Variants in FAM135B observed in about 807,000 individuals in gnomAD.
FAM135B encodes the protein protein FAM135B.
A neutral mutation model predicts 127.7 loss-of-function variants in FAM135B; 43 were observed. The observed-to-expected ratio is 0.34, with a 90% CI of 0.26 to 0.43. FAM135B has a LOEUF of 0.43. Among genes scored for constraint, FAM135B ranks in the 20% least tolerant of loss-of-function variants. The pLI is 1.00. For synonymous variants in FAM135B, 670 were observed against 665.1 expected (o/e 1.01, Z -0.11); for missense variants, 1,558 against 1,725.6 (o/e 0.90, Z 1.72).
chr8:138,389,104 A>G (rs1044786499), intron 1 of FAM135B, among the ~76,000 whole-genome samples: 1 of 152,220 alleles, frequency 6.6e-6, no homozygotes, highest in Non-Finnish European at 1.5e-5. Flanking sequence ...ACACAATGAG[A>G]TATCACTTCA....
At chr8:138,329,031 G>A (rs1033320766) in intron 2 of FAM135B, among the ~76,000 whole-genome samples, 6 of 152,168 alleles carry the variant, frequency 3.9e-5, no homozygotes, top group African/African-American at 1.2e-4. Flanking sequence ...TACAAGTAAC[G>A]GTTTATGCAT....
chr8:138,362,274 C>T (rs1323748130), intron 2 of FAM135B, among the ~76,000 whole-genome samples: 1 of 128,940 alleles, frequency 7.8e-6, no homozygotes, highest in East Asian at 2.8e-4. Context: ...CCATCCCCCA[C>T]CCCCATATCT....
intron 9 of FAM135B, among the ~76,000 whole-genome samples, chr8:138,193,135 C>T (rs1327782671): frequency 6.6e-6 from 1 of 152,200 alleles, no homozygotes; most frequent in Non-Finnish European, 1.5e-5. Flanking sequence ...GCCCTCACGA[C>T]CGCACAGCTG....
intron 16 of FAM135B, among the ~76,000 whole-genome samples, chr8:138,142,573 G>A (rs550812230): frequency 6.6e-6 from 1 of 152,006 alleles, no homozygotes; most frequent in African/African-American, 2.4e-5. Flanking sequence ...CAAAGTGCTG[G>A]GATTACAGGT....
At chr8:138,424,332 G>A (rs1834712127) in intron 1 of FAM135B, among the ~76,000 whole-genome samples, 1 of 152,184 alleles carries the variant, frequency 6.6e-6, no homozygotes. Flanking sequence ...ACTAATAAAT[G>A]TCCATGACAT....
intron 7 of FAM135B, among the ~76,000 whole-genome samples, chr8:138,211,138 T>G (rs1216143054): frequency 6.6e-6 from 1 of 152,186 alleles, no homozygotes; most frequent in African/African-American, 2.4e-5. Context: ...TTCTAAGGGA[T>G]CACTAAACGA....
At position 138,163,779 on chromosome 8, in the gene FAM135B, G is replaced by T. The variant is rs1819640748; in HGVS notation, c.1258+4116C>A. Among the ~76,000 whole-genome samples the T allele has an allele frequency of 2.0e-5, 3 of 152,222 alleles. No homozygotes were observed. In the South Asian group the frequency reaches 6.2e-4, roughly 32 times the overall value. On this transcript the variant is annotated intron_variant, in intron 12 of 19. Transcript: ENST00000395297. ...ACATACTAATACACCATGAACAAAT[G>T]CTATTGTCACAGACCATGAACAAAT...
chr8:138,144,308 G>A (rs1208719572), intron 15 of FAM135B: 3 of 152,192 alleles, frequency 2.0e-5, no homozygotes, highest in Non-Finnish European at 2.9e-5. Context: ...TAGTTCAGGA[G>A]GCTGAGGCAG....
chr8:138,342,495 C>A (rs6990842), intron 2 of FAM135B, among the ~76,000 whole-genome samples: 13 of 152,092 alleles, frequency 8.5e-5, no homozygotes, highest in Non-Finnish European at 1.9e-4. Context: ...GACCAAGAGC[C>A]CTTCAGGTGA....
At chr8:138,248,728 G>A (rs772421334) in intron 6 of FAM135B, among the ~76,000 whole-genome samples, 5 of 150,280 alleles carry the variant, frequency 3.3e-5, no homozygotes, top group Admixed American at 6.6e-5. Context: ...GCTGAGGCAG[G>A]AGGATCACTT....
Position 138,141,381 on chromosome 8 carries a change from G to A in FAM135B, c.3639-32C>T, listed in dbSNP as rs1268425939. Reference sequence around the variant, plus strand: ...AGAAACAGAAGGGGTACCCATGAGTGTGACGGTGAATGCTGCTGCCCAAGA... The same window carrying A: ...AGAAACAGAAGGGGTACCCATGAGTATGACGGTGAATGCTGCTGCCCAAGA... On this transcript the variant is annotated intron_variant, in intron 16 of 19. Coordinates refer to ENST00000395297, the MANE Select transcript of FAM135B (RefSeq NM_015912.4). The surrounding 1 kb of genome is among the most constrained non-coding windows in gnomAD (Gnocchi z 4.7). 2.5e-6 allele frequency: 4 copies of A among 1,612,130 alleles called. No individual in the cohort carries two copies. The highest frequency in any genetic ancestry group is 1.7e-4 in the Middle Eastern group (1 of 6,022).
In FAM135B at chr8:138,242,983, A is replaced by G. The variant is rs1451908736; in HGVS notation, c.628T>C (p.Leu210=). 32 of 1,613,838 alleles carry G rather than the reference A, an allele frequency of 2.0e-5. No individual in the cohort carries two copies. The highest frequency in any genetic ancestry group is 2.7e-5 in the Non-Finnish European group (32 of 1,179,900). ...QEQSIISLEN[L]VFGAGYCKPT... ...TTGCAGTACCCAGCTCCAAAGACCA[A>G]GTTTTCCAGAGAAATGATAGACTGT... is the stretch of plus-strand genomic sequence containing the variant. The change falls in exon 7 of 20, where the codon TTG becomes CTG. Residue 210 remains leucine (L), a synonymous_variant. Coordinates refer to ENST00000395297, the MANE Select transcript of FAM135B (RefSeq NM_015912.4). This position sits in a 1 kb window ranked among gnomAD's most constrained non-coding sequence, Gnocchi z 9.6.
At chr8:138,444,040 CA>C (rs1252800574) in intron 1 of FAM135B, among the ~76,000 whole-genome samples, 1 of 151,916 alleles carries the variant, frequency 6.6e-6, no homozygotes, top group East Asian at 1.9e-4. Context: ...GAACAAAGAT[CA>C]AAGAGACAAA....
At chr8:138,195,953 G>C (rs540053274) in intron 8 of FAM135B, among the ~76,000 whole-genome samples, 4 of 152,216 alleles carry the variant, frequency 2.6e-5, no homozygotes, top group Non-Finnish European at 5.9e-5. Flanking sequence ...GCCTAGCTGA[G>C]TGGAAACAAT....
chr8:138,158,175 T>C (rs200027865), intron 12 of FAM135B, among the ~76,000 whole-genome samples: 3 of 152,196 alleles, frequency 2.0e-5, no homozygotes, highest in Middle Eastern at 3.4e-3. Flanking sequence ...CTTTGACAAA[T>C]CTGACAAAAA....
rs1563809460 is a variant in FAM135B at position 138,241,987 on chromosome 8, G to A, written c.669+955C>T. 1.3e-5 allele frequency among the ~76,000 whole-genome samples: 2 copies of A among 152,266 alleles called. No individual in the cohort carries two copies. The highest frequency in any genetic ancestry group is 1.9e-4 in the East Asian group (1 of 5,170). ...TGATCTGGGACATCAGTTTTCTCCT[G>A]CCTTTGGACTTAGACTTGCAAGGGG... On this transcript the variant is annotated intron_variant, in intron 7 of 19. Transcript: ENST00000395297. This position sits in a 1 kb window ranked among gnomAD's most constrained non-coding sequence, Gnocchi z 4.8.
chr8:138,233,091 T>C (rs973248161), intron 7 of FAM135B, among the ~76,000 whole-genome samples: 10 of 152,156 alleles, frequency 6.6e-5, no homozygotes, highest in African/African-American at 2.2e-4. Flanking sequence ...AAAATTCATA[T>C]GGAATTACAA....
At chr8:138,188,965 C>T (rs1348472390) in intron 9 of FAM135B, among the ~76,000 whole-genome samples, 1 of 152,162 alleles carries the variant, frequency 6.6e-6, no homozygotes, top group Admixed American at 6.5e-5. Context: ...GGCAAGGGCC[C>T]CACCCTCAGT....
At chr8:138,380,250 C>T (rs897040260) in intron 1 of FAM135B, among the ~76,000 whole-genome samples, 14 of 151,980 alleles carry the variant, frequency 9.2e-5, no homozygotes, top group Admixed American at 7.9e-4. Context: ...CAAGCTGGAG[C>T]GTAGTGGTGC....
Sources: allele counts gnomAD v4.1 joint callset (sites outside exome capture counted in the v4.1 genomes callset), GRCh38; gene constraint gnomAD v4.1.1; non-coding constraint Gnocchi (gnomAD v3.1); transcripts MANE v1.5; gene names NCBI Gene and HGNC (gene_info 2026-07-23, HGNC 2026-07-21).